The following PAPOLA variants were observed in gnomAD, a reference collection of about 807,000 sequenced individuals.
The protein encoded by PAPOLA is poly(A) polymerase alpha.
PAPOLA carries 15 observed loss-of-function variants against 100.6 expected under a neutral mutation model. The observed-to-expected ratio is 0.15, with a 90% confidence interval of 0.10 to 0.23. PAPOLA has a LOEUF of 0.23. Among genes scored for constraint, PAPOLA ranks in the 10% least tolerant of loss-of-function variants. PAPOLA has a pLI of 1.00. For missense variants in PAPOLA, 533 were observed against 884.2 expected (o/e 0.60, Z 5.04); for synonymous variants, 293 against 300.0 (o/e 0.98, Z 0.24).
intron 20 of PAPOLA, chr14:96,562,501 A>G (rs1901941066): frequency 1.2e-5 from 2 of 173,234 alleles, no homozygotes. Context: ...TCTGGGCAAC[A>G]TTTCATGATG....
chr14:96,505,612 G>A (rs149714711), intron 1 of PAPOLA, among the ~76,000 whole-genome samples: 2 of 152,144 alleles, frequency 1.3e-5, no homozygotes, highest in South Asian at 2.1e-4. Context: ...GGGAATTGTA[G>A]TAGTTTTACA....
At chr14:96,536,103 A>C in intron 11 of PAPOLA, 104 bp downstream of exon 11, 1 of 857,658 alleles carries the variant, frequency 1.2e-6, no homozygotes, top group Admixed American at 3.2e-5. Context: ...GATTCACTGA[A>C]GTGGATTTTG....
intron 15 of PAPOLA, 44 bp from the exon 16 acceptor site, chr14:96,547,753 A>C (rs1900503509): frequency 6.7e-7 from 1 of 1,501,542 alleles, no homozygotes; most frequent in Admixed American, 2.0e-5. Flanking sequence ...AACTGCCTTT[A>C]TTAAAATGTT....
At chr14:96,544,888 A>T (rs1353674486) in intron 15 of PAPOLA, among the ~76,000 whole-genome samples, 1 of 152,052 alleles carries the variant, frequency 6.6e-6, no homozygotes, top group Admixed American at 6.6e-5. Flanking sequence ...TAGGCTGATT[A>T]TATGTAGATT....
At chr14:96,530,330 C>G (rs1898881466) in intron 6 of PAPOLA, among the ~76,000 whole-genome samples, 1 of 151,522 alleles carries the variant, frequency 6.6e-6, no homozygotes, top group Non-Finnish European at 1.5e-5. Context: ...AACTGACAAC[C>G]AGGTATTTGT....
intron 15 of PAPOLA, among the ~76,000 whole-genome samples, chr14:96,545,145 C>CT (rs1900289479): frequency 6.6e-6 from 1 of 152,018 alleles, no homozygotes. Context: ...GAGGAGTTTT[C>CT]ACTTGAGAAC....
intron 9 of PAPOLA, 150 bp from the exon 10 acceptor site, chr14:96,534,341 T>C (rs1899333080): frequency 7.0e-7 from 1 of 1,424,586 alleles, no homozygotes; most frequent in South Asian, 1.6e-5. Context: ...TTTTGAGTAG[T>C]CTAATGTCGT....
chr14:96,546,091 C>T (rs1900374373), intron 15 of PAPOLA, among the ~76,000 whole-genome samples: 1 of 152,070 alleles, frequency 6.6e-6, no homozygotes, highest in Admixed American at 6.6e-5. Flanking sequence ...ATATTCAGCA[C>T]ACAAATGTTC....
intron 16 of PAPOLA, among the ~76,000 whole-genome samples, chr14:96,551,070 A>G (rs1193079644): frequency 6.6e-6 from 1 of 152,162 alleles, no homozygotes; most frequent in Non-Finnish European, 1.5e-5. Context: ...GTTTTATTTT[A>G]TTAAAAATTA....
chr14:96,531,749 G>A, intron 7 of PAPOLA, 163 bp downstream of exon 7: 1 of 1,470,814 alleles, frequency 6.8e-7, no homozygotes, highest in Non-Finnish European at 8.9e-7. Flanking sequence ...GTATGTAGTA[G>A]TTTATTTCAC....
intron 9 of PAPOLA, chr14:96,533,024 C>T (rs1256222247): frequency 1.0e-6 from 1 of 983,968 alleles, no homozygotes. Context: ...CCATTAGTTT[C>T]TTGTGATTGT....
intron 13 of PAPOLA, 198 bp downstream of exon 13, chr14:96,542,494 T>C (rs1900072833): frequency 1.8e-6 from 1 of 557,912 alleles, no homozygotes; most frequent in Non-Finnish European, 3.2e-6. Flanking sequence ...GTTTGCTTTA[T>C]GGAGATCCGT....
intron 16 of PAPOLA, among the ~76,000 whole-genome samples, chr14:96,549,857 TA>T (rs1900695103): frequency 2.0e-5 from 3 of 152,130 alleles, no homozygotes. Flanking sequence ...ATACAGAAAA[TA>T]TAAACATTTT....
At chr14:96,536,801 T>TAA (rs201476085) in intron 11 of PAPOLA, 175 bp from the exon 12 acceptor site, 3 of 395,518 alleles carry the variant, frequency 7.6e-6, no homozygotes, top group South Asian at 6.3e-5. Context: ...TCCAGCTTTT[T>TAA]AAAAAAAAAA....
At chr14:96,540,950 G>A (rs187868892) in intron 12 of PAPOLA, among the ~76,000 whole-genome samples, 8 of 152,228 alleles carry the variant, frequency 5.3e-5, no homozygotes, top group Non-Finnish European at 8.8e-5. Flanking sequence ...GCAGTGGTGC[G>A]ATGATCTCGG....
chr14:96,505,767 T>C (rs1896668101), intron 1 of PAPOLA, among the ~76,000 whole-genome samples: 1 of 152,162 alleles, frequency 6.6e-6, no homozygotes, highest in East Asian at 1.9e-4. Flanking sequence ...TTGAGATGTT[T>C]TGTCTTTCAA....
chr14:96,514,180 CT>C (rs201921706), intron 1 of PAPOLA, among the ~76,000 whole-genome samples: 303 of 138,832 alleles, frequency 2.2e-3, no homozygotes, highest in Middle Eastern at 0.011. Context: ...CATTAGGTAT[CT>C]TTTTTTTTTT....
intron 18 of PAPOLA, 59 bp downstream of exon 18, chr14:96,556,006 C>T (rs1595556832): frequency 1.5e-6 from 2 of 1,297,740 alleles, no homozygotes; most frequent in Admixed American, 1.8e-5. Flanking sequence ...GTTTAGCCTT[C>T]ATTTTGAAAA....
At position 96,547,852 on chromosome 14, in the gene PAPOLA, A is replaced by C; in HGVS notation, c.1455A>C (p.Ala485=). ...TTGAGGTGGATATGAAAATTGCTGC[A>C]ATGCATGTAAAAAGAAAGCAACTCC... ...KMFEVDMKIA[A]MHVKRKQLHQ... Residue 485 remains alanine (A), a synonymous_variant, in exon 16 of 22, where the codon GCA becomes GCC. Coordinates refer to ENST00000216277, the MANE Select transcript of PAPOLA (RefSeq NM_032632.5). The C allele has an allele frequency of 6.2e-7, 1 of 1,610,912 alleles. No homozygotes were observed. The highest frequency in any genetic ancestry group is 8.5e-7 in the Non-Finnish European group (1 of 1,177,494).
Sources: allele counts gnomAD v4.1 joint callset (sites outside exome capture counted in the v4.1 genomes callset), GRCh38; gene constraint gnomAD v4.1.1; transcripts MANE v1.5; gene names NCBI Gene and HGNC (gene_info 2026-07-23, HGNC 2026-07-21).